The following WDR3 variants were observed in gnomAD, a reference collection of about 807,000 sequenced individuals.
The protein encoded by WDR3 is WD repeat domain 3.
In WDR3, 81 loss-of-function variants were observed where a neutral mutation model predicts 123.7. The ratio of observed to expected loss-of-function variants is 0.65; its 90% confidence interval spans 0.55 to 0.79. WDR3 has a LOEUF of 0.79. Among genes scored for constraint, WDR3 ranks in the 30% least tolerant of loss-of-function variants. WDR3 has a pLI of 0.00. For missense variants in WDR3, 1,027 were observed against 1,123.2 expected (o/e 0.91, Z 1.22); for synonymous variants, 390 against 388.8 (o/e 1.00, Z -0.04).
At position 117,940,926 on chromosome 1, in the gene WDR3, G is replaced by A. The variant is rs369726031; in HGVS notation, c.775G>A (p.Glu259Lys). The A allele has an allele frequency of 2.5e-6, 4 of 1,612,082 alleles. No homozygotes were observed. The African/African-American group carries it at 4.0e-5, about 16-fold the overall frequency. The stretch of plus-strand genomic sequence containing the variant: ...AGAGGATGGTGCCTTTGAGACGGAT[G>A]AAGCCCCTGAGGATGTAATTCATTT... ...EAEDGAFETDEAPEDRILSCR... is the reference protein window; with the variant it reads ...EAEDGAFETDKAPEDRILSCR... Residue 259 changes from glutamate to lysine, a missense_variant, in exon 7 of 27, where the codon GAA becomes AAA. By Grantham distance (56) the Glu-to-Lys change is moderately conservative. Coordinates refer to ENST00000349139, the MANE Select transcript of WDR3 (RefSeq NM_006784.3).
At chr1:117,935,275 A>G (rs1233631539) in intron 3 of WDR3, among the ~76,000 whole-genome samples, 1 of 152,184 alleles carries the variant, frequency 6.6e-6, no homozygotes, top group Non-Finnish European at 1.5e-5. Context: ...AGATACAGAT[A>G]TATTTAAATA....
At position 117,943,595 on chromosome 1, in the gene WDR3, G is replaced by A. The variant is rs1209203102; in HGVS notation, c.1297G>A (p.Ala433Thr). 2 of 1,614,002 alleles carry A rather than the reference G, an allele frequency of 1.2e-6. No homozygotes were observed. Among genetic ancestry groups the A allele is most frequent in the Admixed American group, 1.7e-5 (1 of 59,998 alleles). The stretch of plus-strand genomic sequence containing the variant: ...CTCAGACAATATTGCTGTTCTTTCA[G>A]CTGCAGCTGATTCCATTAAAATATG... The part of the protein sequence containing the change: ...FSSDNIAVLS[A>T]AADSIKIWNR... Residue 433 changes from alanine (A) to threonine (T), a missense_variant, in exon 11 of 27, where the codon GCT becomes ACT. By Grantham distance (58) the Ala-to-Thr change is moderately conservative. Transcript: ENST00000349139.
At chr1:117,935,895 ATCAT>A (rs976446344) in intron 3 of WDR3, among the ~76,000 whole-genome samples, 15 of 152,112 alleles carry the variant, frequency 9.9e-5, no homozygotes, top group Admixed American at 6.5e-4. Flanking sequence ...AAGGATTAGT[ATCAT>A]TCATCTATTA....
chr1:117,933,697 T>C (rs1650817616), intron 2 of WDR3: 2 of 638,044 alleles, frequency 3.1e-6, no homozygotes, highest in Admixed American at 4.9e-5. Flanking sequence ...CACAATGAAA[T>C]AGGAGCTTAT....
At chr1:117,954,664 A>G in intron 23 of WDR3, 37 bp downstream of exon 23, 1 of 1,595,154 alleles carries the variant, frequency 6.3e-7, no homozygotes, top group Non-Finnish European at 8.6e-7. Flanking sequence ...TTTGTTTATT[A>G]AAAGGTTACT....
Position 117,933,420 on chromosome 1 carries a change from A to T in WDR3, c.101A>T (p.Glu34Val). The T allele has an allele frequency of 6.2e-7, 1 of 1,614,180 alleles. No homozygotes were observed. Among genetic ancestry groups the T allele is most frequent in the East Asian group, 2.2e-5 (1 of 44,880 alleles). The change falls in exon 2 of 27, where the codon GAG becomes GTG. Residue 34 changes from glutamate to valine, a missense_variant. Transcript: ENST00000349139. ...GNIVFVTLRGEKGRYVAVPAC... is the reference protein window; with the variant it reads ...GNIVFVTLRGVKGRYVAVPAC... ...ATTGTCTTTGTGACACTTCGTGGTG[A>T]GAAAGGACGTTATGTGGCAGTACCA...
rs763487353 is a variant in WDR3, at chr1:117,966,239, A to G, written c.*6792A>G. On this transcript the variant is annotated 3_prime_UTR_variant, in exon 27 of 27. Transcript: ENST00000349139. The stretch of plus-strand genomic sequence containing the variant: ...TGGCTGAAGACACTGATAAGGAGGA[A>G]TGCATGCATAATTCAGTGAATACCC... The G allele has an allele frequency of 1.9e-4, 30 of 161,200 alleles. No homozygotes were observed. Among genetic ancestry groups the G allele is most frequent in the Non-Finnish European group, 2.7e-4 (20 of 73,776 alleles). 10.0% of individuals were successfully genotyped at this position (161,200 alleles called of 1,614,324 possible). A position where few individuals can be genotyped will look rare whatever the true frequency, so the allele number is the denominator to read the frequency against.
rs564236224 is a variant in WDR3 at position 117,934,658 on chromosome 1, A to G, written c.357A>G (p.Gly119=). Residue 119 remains glycine, a synonymous_variant, in exon 3 of 27, where the codon GGA becomes GGG. Transcript: ENST00000349139. Reference sequence around the variant, plus strand: ...CTACCTTGAAGTATGATCAGCTAGGAGGCAGACTGGCATCTGGGTCCAAGG... The same window carrying G: ...CTACCTTGAAGTATGATCAGCTAGGGGGCAGACTGGCATCTGGGTCCAAGG... ...AITTLKYDQL[G]GRLASGSKDT... 243 of 1,613,616 alleles carry G rather than the reference A, an allele frequency of 1.5e-4. No homozygotes were observed. The highest frequency in any genetic ancestry group is 1.9e-4 in the Non-Finnish European group (220 of 1,179,932).
intron 4 of WDR3, among the ~76,000 whole-genome samples, chr1:117,938,056 G>A (rs1651006927): frequency 6.6e-6 from 1 of 152,196 alleles, no homozygotes; most frequent in Admixed American, 6.5e-5. Context: ...GACTAGAGGA[G>A]TTAATACTTA....
At chr1:117,930,287 G>C (rs1399038657) in intron 1 of WDR3, among the ~76,000 whole-genome samples, 1 of 152,198 alleles carries the variant, frequency 6.6e-6, no homozygotes, top group East Asian at 1.9e-4. Flanking sequence ...TTGTATGGGA[G>C]GTAGTTTAAA....
At chr1:117,933,032 TAAA>T (rs578170436) in intron 1 of WDR3, among the ~76,000 whole-genome samples, 1 of 92,838 alleles carries the variant, frequency 1.1e-5, no homozygotes, top group African/African-American at 3.9e-5. Flanking sequence ...CCATCTCTAC[TAAA>T]AAAAAAAAAA....
Position 117,955,327 on chromosome 1 carries a change from G to A in WDR3, c.2422G>A (p.Val808Ile), listed in dbSNP as rs768558004. The A allele has an allele frequency of 1.2e-6, 2 of 1,612,210 alleles. No individual in the cohort carries two copies. The highest frequency in any genetic ancestry group is 1.3e-5 in the African/African-American group (1 of 74,842). ...AYGSISPSAYVLEIFKGIKSS... is the reference protein window; with the variant it reads ...AYGSISPSAYILEIFKGIKSS... The stretch of plus-strand genomic sequence containing the variant: ...CCTTCCTTTATAGCCTTCAGCTTAT[G>A]TATTAGAGATTTTTAAAGGGATCAA... The change falls in exon 24 of 27, where the codon GTA becomes ATA. Residue 808 changes from valine to isoleucine, a missense_variant. Physicochemically the swap from Val to Ile is conservative, Grantham distance 29 (BLOSUM62 3). Coordinates refer to ENST00000349139, the MANE Select transcript of WDR3 (RefSeq NM_006784.3).
intron 6 of WDR3, among the ~76,000 whole-genome samples, chr1:117,940,258 A>G (rs554279241): frequency 6.6e-6 from 1 of 152,194 alleles, no homozygotes; most frequent in African/African-American, 2.4e-5. Flanking sequence ...TCCTTATGCT[A>G]TAGAAAGTTT....
intron 15 of WDR3, among the ~76,000 whole-genome samples, chr1:117,950,493 A>T (rs1442517407): frequency 6.6e-6 from 1 of 152,124 alleles, no homozygotes; most frequent in African/African-American, 2.4e-5. Flanking sequence ...ACTGAGCCCT[A>T]TACCCAGAGA....
At position 117,940,751 on chromosome 1, in the gene WDR3, A is replaced by AC. The variant is rs112688594; in HGVS notation, c.676-76_676-75insC. On this transcript the variant is annotated intron_variant, in intron 6 of 26. Coordinates refer to ENST00000349139, the MANE Select transcript of WDR3 (RefSeq NM_006784.3). ...TCCGACAACAACAACAACAACAACA[A>AC]AACAACAACAACAACAACAACATGC... 12,848 of 1,311,282 alleles carry AC rather than the reference A, an allele frequency of 9.8e-3. 368 individuals carry two copies. Among genetic ancestry groups the AC allele is most frequent in the South Asian group, 0.079 (5,560 of 70,292 alleles). The allele number at this position is 1,311,282 out of a possible 1,614,324, so 81.2% of individuals were successfully genotyped here.
chr1:117,935,787 C>G (rs1033695688), intron 3 of WDR3, among the ~76,000 whole-genome samples: 17 of 151,856 alleles, frequency 1.1e-4, no homozygotes, highest in African/African-American at 4.1e-4. Flanking sequence ...AAAAAGGAAA[C>G]TGTTGGTAGA....
rs1652628343 is a variant in WDR3, at chr1:117,958,930, C to G, written c.2603C>G (p.Thr868Ser). Reference sequence around the variant, plus strand: ...ATCAGGATTCACTTTGGACAGATCACTAGCAATCAAATGCTTGTGCCAGTG... The same window carrying G: ...ATCAGGATTCACTTTGGACAGATCAGTAGCAATCAAATGCTTGTGCCAGTG... Reference protein sequence around the residue: ...FLLRIHFGQITSNQMLVPVIE... With the variant: ...FLLRIHFGQISSNQMLVPVIE... Residue 868 changes from threonine (T) to serine (S), a missense_variant, in exon 26 of 27, where the codon ACT becomes AGT. Coordinates refer to ENST00000349139, the MANE Select transcript of WDR3 (RefSeq NM_006784.3). 6.2e-7 allele frequency: 1 copy of G among 1,613,922 alleles called. No homozygotes were observed. Among genetic ancestry groups the G allele is most frequent in the Non-Finnish European group, 8.5e-7 (1 of 1,179,928 alleles).
chr1:117,950,316 A>C (rs1276270831), intron 15 of WDR3, among the ~76,000 whole-genome samples, 186 bp downstream of exon 15: 2 of 152,212 alleles, frequency 1.3e-5, no homozygotes, highest in East Asian at 3.8e-4. Context: ...TCTATGGTTC[A>C]TGAATTTTGT....
chr1:117,934,429 C>T, intron 2 of WDR3, 44 bp from the exon 3 acceptor site: 1 of 1,589,978 alleles, frequency 6.3e-7, no homozygotes, highest in Non-Finnish European at 8.6e-7. Flanking sequence ...CCCTTGAGTT[C>T]ATGCTTAACT....
Sources: gnomAD v4.1 joint callset for allele counts (sites outside exome capture counted in the v4.1 genomes callset) on GRCh38, gnomAD v4.1.1 for gene constraint, MANE v1.5 for transcripts, NCBI Gene and HGNC (gene_info 2026-07-23, HGNC 2026-07-21) for gene names.